The following ANK2 variants were observed in gnomAD, a reference collection of about 807,000 sequenced individuals.
ANK2 encodes ankyrin 2, also known as ankyrin-2.
A neutral mutation model predicts 360.5 loss-of-function variants in ANK2; 83 were observed. That is an observed-to-expected ratio of 0.23 (90% confidence interval 0.19 to 0.28). The LOEUF is 0.28. Among genes scored for constraint, ANK2 ranks in the 10% least tolerant of loss-of-function variants. The pLI is 1.00. For missense variants in ANK2, 4,201 were observed against 4,795.7 expected (o/e 0.88, Z 3.66); for synonymous variants, 1,740 against 1,759.5 (o/e 0.99, Z 0.28).
chr4:113,271,272 G>C (rs114957203), intron 14 of ANK2, among the ~76,000 whole-genome samples: 3 of 152,132 alleles, frequency 2.0e-5, no homozygotes, highest in Non-Finnish European at 2.9e-5. Context: ...GGGCTCATGC[G>C]CATTCATGCG....
At chr4:113,139,543 C>T (rs140455566) in intron 1 of ANK2, among the ~76,000 whole-genome samples, 1 of 152,274 alleles carries the variant, frequency 6.6e-6, no homozygotes, top group Non-Finnish European at 1.5e-5. Flanking sequence ...TATTTGTCTT[C>T]AAAATAAGTA....
At chr4:112,996,856 T>C (rs996405705) in intron 2 of ANK2, among the ~76,000 whole-genome samples, 1 of 152,130 alleles carries the variant, frequency 6.6e-6, no homozygotes, top group Non-Finnish European at 1.5e-5. Flanking sequence ...TTATTTCTAA[T>C]TTTTGTACGC....
intron 1 of ANK2, among the ~76,000 whole-genome samples, chr4:113,136,991 CAAGTGATCCACCCGCCTTG>C (rs1380217321): frequency 1.2e-4 from 18 of 152,104 alleles, no homozygotes; most frequent in African/African-American, 4.3e-4. Flanking sequence ...CTCCTGACCT[CAAGTGATCCACCCGCCTTG>C]GCCTCTCAAA....
chr4:113,192,623 G>T lies in ANK2; in HGVS notation c.187-3745G>T, dbSNP rs543971882. The stretch of plus-strand genomic sequence containing the variant: ...TTTTTTGCTCTTCCTCTTATAAGTG[G>T]TAGTGATCTTTGAGGCAAATCACTT... On this transcript the variant is annotated intron_variant, in intron 2 of 45. Transcript: ENST00000357077. 5.3e-5 allele frequency among the ~76,000 whole-genome samples: 8 copies of T among 152,216 alleles called. No homozygotes were observed. In the East Asian group the frequency reaches 1.5e-3, roughly 29 times the overall value.
At chr4:113,316,171 C>T (rs2082869687) in intron 24 of ANK2, among the ~76,000 whole-genome samples, 1 of 152,156 alleles carries the variant, frequency 6.6e-6, no homozygotes, top group African/African-American at 2.4e-5. Flanking sequence ...TGTCAAGAGC[C>T]TCAATCTTCT....
intron 1 of ANK2, among the ~76,000 whole-genome samples, chr4:113,092,167 G>T (rs989331240): frequency 6.6e-6 from 1 of 152,170 alleles, no homozygotes; most frequent in Non-Finnish European, 1.5e-5. Context: ...ATGTGGTAAT[G>T]TACAAAGATG....
chr4:113,029,754 T>A (rs1483335569), intron 2 of ANK2, among the ~76,000 whole-genome samples: 1 of 151,934 alleles, frequency 6.6e-6, no homozygotes, highest in African/African-American at 2.4e-5. Context: ...CATCCATACC[T>A]CAGAATGACT....
At chr4:112,828,493 A>G (rs1180753867) in intron 1 of ANK2, among the ~76,000 whole-genome samples, 1 of 152,126 alleles carries the variant, frequency 6.6e-6, no homozygotes, top group Non-Finnish European at 1.5e-5. Flanking sequence ...TCGGACTCCC[A>G]AAGTGTTGGG....
intron 2 of ANK2, among the ~76,000 whole-genome samples, chr4:113,187,482 A>G (rs575789157): frequency 1.3e-5 from 2 of 152,308 alleles, no homozygotes; most frequent in African/African-American, 2.4e-5. Flanking sequence ...CTTAAAAAAG[A>G]CACTAGTTTC....
intron 2 of ANK2, among the ~76,000 whole-genome samples, chr4:112,927,378 T>C (rs1477789637): frequency 6.6e-6 from 1 of 152,200 alleles, no homozygotes. Context: ...CTTACGTGAC[T>C]CAGATTTGCC....
intron 4 of ANK2, among the ~76,000 whole-genome samples, chr4:113,202,592 C>G (rs2098846502): frequency 6.6e-6 from 1 of 152,186 alleles, no homozygotes; most frequent in African/African-American, 2.4e-5. Flanking sequence ...GAGTTATTTG[C>G]AAACAGACTG....
intron 2 of ANK2, among the ~76,000 whole-genome samples, chr4:113,021,386 T>A (rs190794844): frequency 4.5e-4 from 69 of 151,950 alleles, no homozygotes; most frequent in African/African-American, 1.6e-3. Context: ...GACTGACCAC[T>A]TATTCCAGTG....
intron 1 of ANK2, among the ~76,000 whole-genome samples, chr4:112,822,070 C>CT (rs1337934050): frequency 1.3e-5 from 2 of 151,876 alleles, no homozygotes; most frequent in African/African-American, 4.8e-5. Context: ...GCCTAATGTT[C>CT]TTTCTTTATA....
At position 113,049,675 on chromosome 4, in the gene ANK2, T is replaced by A; in HGVS notation, c.-54T>A. 6.3e-7 allele frequency: 1 copy of A among 1,588,726 alleles called. No homozygotes were observed. The highest frequency in any genetic ancestry group is 1.7e-5 in the Admixed American group (1 of 58,532). ...AGTAAGTGCATACCCGCTAGTGGTC[T>A]GTACAGGCGGCACGGTTTGATGGCA... is the stretch of plus-strand genomic sequence containing the variant. On this transcript the variant is annotated 5_prime_UTR_variant, in exon 1 of 46. Coordinates refer to ENST00000357077, the MANE Select transcript of ANK2 (RefSeq NM_001148.6).
At chr4:113,271,527 C>A (rs2058508909) in intron 14 of ANK2, among the ~76,000 whole-genome samples, 1 of 151,876 alleles carries the variant, frequency 6.6e-6, no homozygotes, top group Non-Finnish European at 1.5e-5. Context: ...CTCTCTAAAC[C>A]TAATAACATT....
At chr4:112,932,628 G>T (rs2093368470) in intron 2 of ANK2, among the ~76,000 whole-genome samples, 1 of 149,538 alleles carries the variant, frequency 6.7e-6, no homozygotes. Flanking sequence ...AGTTTAAGTT[G>T]TTTGTAATCA....
chr4:113,078,546 C>A (rs890745569), intron 1 of ANK2, among the ~76,000 whole-genome samples: 13 of 152,148 alleles, frequency 8.5e-5, no homozygotes, highest in African/African-American at 3.1e-4. Flanking sequence ...AACCTGAAAT[C>A]TCATAGGATT....
At chr4:112,854,381 A>C (rs925612619) in intron 1 of ANK2, among the ~76,000 whole-genome samples, 2 of 152,222 alleles carry the variant, frequency 1.3e-5, no homozygotes, top group Admixed American at 1.3e-4. Flanking sequence ...ATTAAGGTGC[A>C]TGGTAGAGGA....
intron 2 of ANK2, among the ~76,000 whole-genome samples, chr4:112,965,469 G>T (rs1244155145): frequency 6.6e-6 from 1 of 151,972 alleles, no homozygotes; most frequent in Non-Finnish European, 1.5e-5. Flanking sequence ...TCTTCACTTT[G>T]TTGATTGTTT....
Sources: gnomAD v4.1 joint callset for allele counts (sites outside exome capture counted in the v4.1 genomes callset) on GRCh38, gnomAD v4.1.1 for gene constraint, MANE v1.5 for transcripts, NCBI Gene and HGNC (gene_info 2026-07-23, HGNC 2026-07-21) for gene names.